MAP4: variants seen among roughly 807,000 people sequenced by gnomAD.
MAP4 encodes the protein microtubule associated protein 4.
In MAP4, 76 loss-of-function variants were observed where a neutral mutation model predicts 170.2. The observed-to-expected ratio is 0.45, with a 90% CI of 0.37 to 0.54. The LOEUF (loss-of-function observed/expected upper bound fraction) is 0.54. MAP4 is among the 20% of genes least tolerant of loss of function. The pLI, the probability that MAP4 is intolerant of heterozygous loss-of-function variation, is 0.00. For synonymous variants in MAP4, 909 were observed against 994.5 expected, an observed-to-expected ratio of 0.91 and a Z score of 1.62; for missense variants, 2,506 against 2,748.0, an observed-to-expected ratio of 0.91 and a Z score of 1.97.
chr3:47,852,895 C>T lies in MAP4; in HGVS notation c.*39G>A, dbSNP rs777305021. On this transcript the variant is annotated 3_prime_UTR_variant, in exon 21 of 21. Transcript: ENST00000683076. ...GACAATGTCGGCCCCGTGGTCGGTG[C>T]GGGCCCTGGCATTTGCCCGGAACGT... 23 of 1,601,676 alleles carry T rather than the reference C, an allele frequency of 1.4e-5. No individual in the cohort carries two copies. Among genetic ancestry groups the T allele is most frequent in the African/African-American group, 2.7e-5 (2 of 74,590 alleles).
At chr3:47,991,577 G>A (rs1431154450) in intron 2 of MAP4, among the ~76,000 whole-genome samples, 3 of 152,124 alleles carry the variant, frequency 2.0e-5, no homozygotes, top group Non-Finnish European at 4.4e-5. Context: ...CAGGAGGAAC[G>A]TTTGAGCCCA....
intron 2 of MAP4, among the ~76,000 whole-genome samples, chr3:47,984,027 AAAT>A (rs1359950416): frequency 1.3e-5 from 2 of 152,270 alleles, no homozygotes; most frequent in East Asian, 1.9e-4. Flanking sequence ...TGAAGGGCAT[AAAT>A]AATGAGATTT....
chr3:47,919,789 ACAC>A (rs770980344), intron 5 of MAP4, among the ~76,000 whole-genome samples: 26 of 152,156 alleles, frequency 1.7e-4, no homozygotes, highest in Non-Finnish European at 3.1e-4. Flanking sequence ...TCTAGTTCCA[ACAC>A]CACAACCAAC....
chr3:48,065,285 A>G (rs560440184), intron 1 of MAP4, among the ~76,000 whole-genome samples: 1 of 152,346 alleles, frequency 6.6e-6, no homozygotes, highest in South Asian at 2.1e-4. Flanking sequence ...CTTACAACTT[A>G]AAGTGTCATC....
At chr3:48,020,844 T>C (rs1049782947), upstream of MAP4, among the ~76,000 whole-genome samples, 6 of 151,100 alleles carry the variant, frequency 4.0e-5, no homozygotes, top group South Asian at 1.0e-3. Context: ...CTGGAGTGCA[T>C]TGGCTAGTCA....
Position 47,871,920 on chromosome 3 carries a change from T to G in MAP4, c.5938A>C (p.Thr1980Pro). Residue 1980 changes from threonine (T) to proline (P), a missense_variant, in exon 13 of 21, where the codon ACT becomes CCT. This residue lies in a region of MAP4 where 487 missense variants were observed against 511.6 expected (regional missense o/e 0.95). Coordinates refer to ENST00000683076, the MANE Select transcript of MAP4 (RefSeq NM_001385682.1). ...SPSTLLPKKP[T>P]AIKTEGKPAE... Reference sequence around the variant, plus strand: ...GGGAGAGAAAGGCAATACTCACCAGTGGGCTTCTTGGGCAGGAGCGTGGAG... The same window carrying G: ...GGGAGAGAAAGGCAATACTCACCAGGGGGCTTCTTGGGCAGGAGCGTGGAG... 2.5e-6 allele frequency: 4 copies of G among 1,609,084 alleles called. No individual in the cohort carries two copies. The highest frequency in any genetic ancestry group is 3.4e-6 in the Non-Finnish European group (4 of 1,176,422).
chr3:48,072,714 A>AC (rs1372837336), intron 1 of MAP4, among the ~76,000 whole-genome samples: 10 of 152,100 alleles, frequency 6.6e-5, no homozygotes, highest in Non-Finnish European at 1.3e-4. Context: ...CCTTTCCTGG[A>AC]CCTCAGGAAG....
rs372475271 is a variant in MAP4 at position 47,891,381 on chromosome 3, G to A, written c.5434+11569C>T. The stretch of plus-strand genomic sequence containing the variant: ...GTAGACAAGATGGGCAGTTTCCCAG[G>A]GCTCAATTTGTAGCTAGCTGTCTGT... On this transcript the variant is annotated intron_variant, in intron 10 of 20. Coordinates refer to ENST00000683076, the MANE Select transcript of MAP4 (RefSeq NM_001385682.1). The A allele has an allele frequency of 2.2e-4, 336 of 1,535,970 alleles. 2 individuals carry two copies. The Middle Eastern group carries it at 9.2e-3, about 42-fold the overall frequency.
chr3:47,947,424 A>G (rs1234810704), intron 3 of MAP4, among the ~76,000 whole-genome samples: 2 of 151,950 alleles, frequency 1.3e-5, no homozygotes, highest in Non-Finnish European at 2.9e-5. Flanking sequence ...TCAACACTCA[A>G]CCTTGGGTAC....
At chr3:47,968,827 A>G (rs1456830829) in intron 3 of MAP4, among the ~76,000 whole-genome samples, 1 of 152,152 alleles carries the variant, frequency 6.6e-6, no homozygotes, top group African/African-American at 2.4e-5. Context: ...AGATGAAAAA[A>G]ATTGACAAAC....
intron 4 of MAP4, among the ~76,000 whole-genome samples, chr3:47,925,574 CA>C (rs1415581856): frequency 1.3e-5 from 2 of 151,996 alleles, no homozygotes; most frequent in Non-Finnish European, 2.9e-5. Flanking sequence ...ATACATGCCA[CA>C]AAATGCAGGA....
chr3:47,896,976 T>C (rs906043815), intron 10 of MAP4, among the ~76,000 whole-genome samples: 1 of 152,034 alleles, frequency 6.6e-6, no homozygotes, highest in Non-Finnish European at 1.5e-5. Context: ...AGGAACAAAA[T>C]GGTGTCCAGA....
At chr3:47,951,471 T>C (rs1039110457) in intron 3 of MAP4, among the ~76,000 whole-genome samples, 1 of 152,198 alleles carries the variant, frequency 6.6e-6, no homozygotes, top group Non-Finnish European at 1.5e-5. Flanking sequence ...TGTCTCAGCC[T>C]GCCTAGTGCC....
intron 1 of MAP4, among the ~76,000 whole-genome samples, chr3:48,073,830 A>C (rs2100142261): frequency 6.6e-6 from 1 of 152,174 alleles, no homozygotes; most frequent in Non-Finnish European, 1.5e-5. Context: ...GGATGTGGAG[A>C]AATAGGAACT....
intron 17 of MAP4, among the ~76,000 whole-genome samples, chr3:47,859,134 A>T (rs2061610809): frequency 6.6e-6 from 1 of 152,074 alleles, no homozygotes; most frequent in African/African-American, 2.4e-5. Context: ...GCCTCAAAAA[A>T]AAAAGGTGGT....
chr3:47,970,155 T>G (rs945461496), intron 3 of MAP4, among the ~76,000 whole-genome samples: 2 of 152,212 alleles, frequency 1.3e-5, no homozygotes, highest in Non-Finnish European at 2.9e-5. Context: ...AATATGGATT[T>G]TCTCTCAGTA....
At position 47,855,088 on chromosome 3, in the gene MAP4, C is replaced by T; in HGVS notation, c.6696+160G>A. ...CTCTTCACTTCTGCCTCAGTCAGGA[C>T]TGATGATACACGGTGGGAAAACGGC... is the stretch of plus-strand genomic sequence containing the variant. On this transcript the variant is annotated intron_variant, in intron 19 of 20. Coordinates refer to ENST00000683076, the MANE Select transcript of MAP4 (RefSeq NM_001385682.1). The surrounding 1 kb of genome is among the most constrained non-coding windows in gnomAD (Gnocchi z 5.1). 1 of 611,266 alleles carries T rather than the reference C, an allele frequency of 1.6e-6. No homozygotes were observed. Among genetic ancestry groups the T allele is most frequent in the Non-Finnish European group, 3.0e-6 (1 of 336,318 alleles). 37.9% of individuals were successfully genotyped at this position (611,266 alleles called of 1,614,324 possible). A position where few individuals can be genotyped will look rare whatever the true frequency, so the allele number is the denominator to read the frequency against.
At chr3:47,864,908 C>G (rs1363888979) in intron 17 of MAP4, among the ~76,000 whole-genome samples, 1 of 151,962 alleles carries the variant, frequency 6.6e-6, no homozygotes, top group Non-Finnish European at 1.5e-5. Flanking sequence ...CTGGGGGGCT[C>G]ATCATTTTAA....
intron 10 of MAP4, among the ~76,000 whole-genome samples, chr3:47,899,326 C>T (rs1191216682): frequency 6.6e-6 from 1 of 152,076 alleles, no homozygotes; most frequent in African/African-American, 2.4e-5. Flanking sequence ...TTTTAGTATA[C>T]ACAGGGTTTC....
Sources: allele counts gnomAD v4.1 joint callset (sites outside exome capture counted in the v4.1 genomes callset), GRCh38; gene constraint gnomAD v4.1.1; regional missense constraint gnomAD v4.1.1; non-coding constraint Gnocchi (gnomAD v3.1); transcripts MANE v1.5; gene names NCBI Gene and HGNC (gene_info 2026-07-23, HGNC 2026-07-21).